ADAMTS1: variants seen among roughly 807,000 people sequenced by gnomAD.
ADAMTS1 encodes ADAM metallopeptidase with thrombospondin type 1 motif 1, also known as A disintegrin and metalloproteinase with thrombospondin motifs 1.
In ADAMTS1, 19 loss-of-function variants were observed where a neutral mutation model predicts 87.9. The ratio of observed to expected loss-of-function variants is 0.22; its 90% CI spans 0.15 to 0.32. The LOEUF (loss-of-function observed/expected upper bound fraction) is 0.32. Ranked by LOEUF, ADAMTS1 falls within the 10% of genes least tolerant of loss-of-function variation. The probability of loss-of-function intolerance (pLI) is 1.00; values close to 1 mark genes in which losing one functional copy is unlikely to be tolerated. For missense variants in ADAMTS1, 1,240 were observed against 1,259.1 expected, an observed-to-expected ratio of 0.98 and a Z score of 0.23; for synonymous variants, 542 against 501.8, an observed-to-expected ratio of 1.08 and a Z score of -1.07.
rs767053986 is a variant in ADAMTS1 at position 26,839,974 on chromosome 21, C to T, written c.1753G>A (p.Glu585Lys). The change falls in exon 6 of 9, where the codon GAA (glutamate) becomes AAA (lysine). Residue 585 changes from glutamate (E) to lysine (K), a missense_variant. By Grantham distance (56) the Glu-to-Lys change is moderately conservative. Transcript: ENST00000284984. ...CGGGVQYTMR[E>K]CDNPVPKNGG... ...TTCTTTGGGACTGGGTTGTCACATTCCCTCATCGTGTACTGGACTCCTCCA... is the reference window on the plus strand; with the variant it reads ...TTCTTTGGGACTGGGTTGTCACATTTCCTCATCGTGTACTGGACTCCTCCA... 5.0e-6 allele frequency: 8 copies of T among 1,614,120 alleles called. No individual in the cohort carries two copies. The highest frequency in any genetic ancestry group is 3.3e-5 in the South Asian group (3 of 91,080).
rs1985387976 is a variant in ADAMTS1 at position 26,837,374 on chromosome 21, C to T, written c.*205G>A. 3.5e-6 allele frequency: 2 copies of T among 572,120 alleles called. No individual in the cohort carries two copies. The highest frequency in any genetic ancestry group is 3.1e-6 in the Non-Finnish European group (1 of 321,722). The allele number at this position is 572,120 out of a possible 1,614,324, so 35.4% of individuals were successfully genotyped here. A position where few individuals can be genotyped will look rare whatever the true frequency, so the allele number is the denominator to read the frequency against. On this transcript the variant is annotated 3_prime_UTR_variant, in exon 9 of 9. Coordinates refer to ENST00000284984, the MANE Select transcript of ADAMTS1 (RefSeq NM_006988.5). The stretch of plus-strand genomic sequence containing the variant: ...TATCACTGCTCAGAGGTTAATAATC[C>T]TCACTAACTATCCTATCAAATTTGC...
Position 26,844,289 on chromosome 21 carries a change from GC to G in ADAMTS1, c.665del (p.Gly222AlafsTer18). On this transcript the variant is annotated frameshift_variant, in exon 1 of 9. Transcript: ENST00000284984. LOFTEE classifies it high-confidence loss of function. The stretch of plus-strand genomic sequence containing the variant: ...GCGACCACTGAGCCCCTTCGTCCTC[GC>G]CCTCAGTCCCTTCGTCCTCGTCTTC... The part of the protein sequence containing the change: ...ETEDEDEGTE[G>X]EDEGAQWSPQ... 6.2e-7 allele frequency: 1 copy of G among 1,606,284 alleles called. No homozygotes were observed. The highest frequency in any genetic ancestry group is 1.7e-5 in the Admixed American group (1 of 59,500).
At position 26,844,898 on chromosome 21, in the gene ADAMTS1, C is replaced by A; in HGVS notation, c.57G>T (p.Gly19=). The A allele has an allele frequency of 6.5e-7, 1 of 1,528,950 alleles. No homozygotes were observed. The highest frequency in any genetic ancestry group is 8.8e-7 in the Non-Finnish European group (1 of 1,139,160). The allele number at this position is 1,528,950 out of a possible 1,614,324, so 94.7% of individuals were successfully genotyped here. Residue 19 remains glycine, a synonymous_variant, in exon 1 of 9, where the codon GGG becomes GGT. Transcript: ENST00000284984. The part of the protein sequence containing the change: ...FGRRKLGSDM[G]NAERAPGSRS... Reference sequence around the variant, plus strand: ...GAGACCCCGGAGCCCGCTCCGCGTTCCCCATGTCGCTGCCCAGCTTGCGCC... The same window carrying A: ...GAGACCCCGGAGCCCGCTCCGCGTTACCCATGTCGCTGCCCAGCTTGCGCC...
chr21:26,840,832 CTA>C (rs1380323974), intron 4 of ADAMTS1, among the ~76,000 whole-genome samples, 164 bp downstream of exon 4: 2 of 152,112 alleles, frequency 1.3e-5, no homozygotes, highest in Non-Finnish European at 2.9e-5. Context: ...ACCGGAAGCA[CTA>C]TTTTTTATTT....
chr21:26,839,619 C>T lies in ADAMTS1; in HGVS notation c.1996G>A (p.Gly666Ser). The change falls in exon 7 of 9, where the codon GGC becomes AGC. Residue 666 changes from glycine to serine, a missense_variant. By Grantham distance (56) the Gly-to-Ser change is moderately conservative. Transcript: ENST00000284984. The stretch of plus-strand genomic sequence containing the variant: ...TGCAAAACGAAGAAGTAGCCAATGC[C>T]TTTGGCTTGGCAGATGAGCTTGCAC... Reference protein sequence around the residue: ...DRCKLICQAKGIGYFFVLQPK... With the variant: ...DRCKLICQAKSIGYFFVLQPK... 1.9e-6 allele frequency: 3 copies of T among 1,608,566 alleles called. No homozygotes were observed. The highest frequency in any genetic ancestry group is 2.2e-5 in the South Asian group (2 of 90,884).
rs746316531 is a variant in ADAMTS1 at position 26,844,868 on chromosome 21, G to T, written c.87C>A (p.Ser29Arg). ...GNAERAPGSR[S>R]FGPVPTLLLL... ...GCAGCAGCGTGGGTACTGGCCCAAA[G>T]CTCCGAGACCCCGGAGCCCGCTCCG... The change falls in exon 1 of 9, where the codon AGC becomes AGA. Residue 29 changes from serine to arginine, a missense_variant. Coordinates refer to ENST00000284984, the MANE Select transcript of ADAMTS1 (RefSeq NM_006988.5). The T allele has an allele frequency of 6.4e-7, 1 of 1,551,698 alleles. No individual in the cohort carries two copies. Among genetic ancestry groups the T allele is most frequent in the South Asian group, 1.2e-5 (1 of 85,196 alleles).
rs1041895414 is a variant in ADAMTS1, at chr21:26,842,104, G to A, written c.1078-114C>T. 2.5e-5 allele frequency: 32 copies of A among 1,255,796 alleles called. No individual in the cohort carries two copies. The African/African-American group carries it at 4.1e-4, about 16-fold the overall frequency. 77.8% of individuals were successfully genotyped at this position (1,255,796 alleles called of 1,614,324 possible). On this transcript the variant is annotated intron_variant, in intron 2 of 8. Coordinates refer to ENST00000284984, the MANE Select transcript of ADAMTS1 (RefSeq NM_006988.5). ...CTTTGGAGCATCTACATTCATTATT[G>A]TTGACATAAGAAGACTTCATGTGAC...
rs1007336883 is a variant in ADAMTS1, at chr21:26,836,846, C to G, written c.*733G>C. 1 of 152,230 alleles carries G rather than the reference C, an allele frequency of 6.6e-6. No homozygotes were observed. The highest frequency in any genetic ancestry group is 1.5e-5 in the Non-Finnish European group (1 of 68,050). 9.4% of individuals were successfully genotyped at this position (152,230 alleles called of 1,614,324 possible). ...TTGTGTCTCCTCTAGCTTTTACCAGCATCTAATGCTTCACTGCTTTTTTTC... is the reference window on the plus strand; with the variant it reads ...TTGTGTCTCCTCTAGCTTTTACCAGGATCTAATGCTTCACTGCTTTTTTTC... On this transcript the variant is annotated 3_prime_UTR_variant, in exon 9 of 9. Transcript: ENST00000284984.
Position 26,844,881 on chromosome 21 carries a change from G to C in ADAMTS1, c.74C>G (p.Pro25Arg), listed in dbSNP as rs775388956. The change falls in exon 1 of 9, where the codon CCG becomes CGG. Residue 25 changes from proline to arginine, a missense_variant. By Grantham distance (103) the Pro-to-Arg change is moderately radical. This residue lies in a region of ADAMTS1 where 521 missense variants were observed against 449.7 expected (regional missense o/e 1.16). Transcript: ENST00000284984. ...GSDMGNAERA[P>R]GSRSFGPVPT... The stretch of plus-strand genomic sequence containing the variant: ...TACTGGCCCAAAGCTCCGAGACCCC[G>C]GAGCCCGCTCCGCGTTCCCCATGTC... 6 of 1,538,840 alleles carry C rather than the reference G, an allele frequency of 3.9e-6. No homozygotes were observed. In the South Asian group the frequency reaches 7.2e-5, roughly 19 times the overall value.
chr21:26,839,423 A>C, intron 7 of ADAMTS1, 164 bp downstream of exon 7: 1 of 630,874 alleles, frequency 1.6e-6, no homozygotes, highest in East Asian at 2.7e-5. Context: ...AAAACACTAA[A>C]CTCAAAGCAG....
At position 26,844,590 on chromosome 21, in the gene ADAMTS1, T is replaced by C. The variant is rs1476338225; in HGVS notation, c.365A>G (p.His122Arg). The C allele has an allele frequency of 6.2e-7, 1 of 1,611,148 alleles. No homozygotes were observed. Among genetic ancestry groups the C allele is most frequent in the Non-Finnish European group, 8.5e-7 (1 of 1,179,004 alleles). Residue 122 changes from histidine (H) to arginine (R), a missense_variant, in exon 1 of 9, where the codon CAC becomes CGC. This residue lies in a region of ADAMTS1 where 521 missense variants were observed against 449.7 expected (regional missense o/e 1.16). Transcript: ENST00000284984. ...ETPLPETDLAHCFYSGTVNGD... is the reference protein window; with the variant it reads ...ETPLPETDLARCFYSGTVNGD... ...ATTCACGGTGCCGGAGTAGAAGCAG[T>C]GCGCCAGGTCGGTTTCCGGAAGCGG...
rs1457829929 is a variant in ADAMTS1, at chr21:26,838,462, TA to T, written c.2180del (p.Ile727AsnfsTer27). The stretch of plus-strand genomic sequence containing the variant: ...ACTTTGCACTAGTAACTGATCCTGA[TA>T]TTTTTTTACAAGTAGATCCATTTCC... ...CGGNGSTCKK[I>X]SGSVTSAKPG... On this transcript the variant is annotated frameshift_variant, in exon 8 of 9. Transcript: ENST00000284984. LOFTEE classifies it high-confidence loss of function. The T allele has an allele frequency of 5.6e-6, 9 of 1,614,116 alleles. No homozygotes were observed. The highest frequency in any genetic ancestry group is 3.3e-5 in the Admixed American group (2 of 60,012).
rs1289528318 is a variant in ADAMTS1, at chr21:26,845,056, A to G, written c.-102T>C. 1 of 1,318,406 alleles carries G rather than the reference A, an allele frequency of 7.6e-7. No individual in the cohort carries two copies. Among genetic ancestry groups the G allele is most frequent in the African/African-American group, 1.5e-5 (1 of 65,498 alleles). The allele number at this position is 1,318,406 out of a possible 1,614,324, so 81.7% of individuals were successfully genotyped here. On this transcript the variant is annotated 5_prime_UTR_variant, in exon 1 of 9. Transcript: ENST00000284984. Reference sequence around the variant, plus strand: ...CGTTGGCCTGCTCTGGATTGTTAAAATTAACAATTTCTATTATTCGTTGGA... The same window carrying G: ...CGTTGGCCTGCTCTGGATTGTTAAAGTTAACAATTTCTATTATTCGTTGGA...
intron 7 of ADAMTS1, chr21:26,839,270 G>A (rs1568810074): frequency 2.0e-5 from 4 of 201,282 alleles, no homozygotes; most frequent in Non-Finnish European, 4.0e-5. Flanking sequence ...AATATAAAAT[G>A]TATCTAACTA....
In ADAMTS1 at chr21:26,841,955, C is replaced by T. The variant is rs1985502819; in HGVS notation, c.1113G>A (p.Gly371=). 1 of 1,614,100 alleles carries T rather than the reference C, an allele frequency of 6.2e-7. No homozygotes were observed. The highest frequency in any genetic ancestry group is 1.3e-5 in the African/African-American group (1 of 75,032). ...LCGSQTCDTL[G]MADVGTVCDP... ...CACACACAGTTCCAACATCAGCCAT[C>T]CCAAGAGTATCACATGTCTGGGACC... Residue 371 remains glycine, a synonymous_variant, in exon 3 of 9, where the codon GGG becomes GGA. Transcript: ENST00000284984.
At position 26,842,375 on chromosome 21, in the gene ADAMTS1, T is replaced by G; in HGVS notation, c.1041A>C (p.Ala347=). Residue 347 remains alanine (A), a synonymous_variant, in exon 2 of 9, where the codon GCA becomes GCC. Coordinates refer to ENST00000284984, the MANE Select transcript of ADAMTS1 (RefSeq NM_006988.5). Reference sequence around the variant, plus strand: ...AAAGAATTGCTGTGTCATAGTGCTCTGCATCCCGGTCACTGGGTGGGTTGT... The same window carrying G: ...AAAGAATTGCTGTGTCATAGTGCTCGGCATCCCGGTCACTGGGTGGGTTGT... ...KQHNPPSDRD[A]EHYDTAILFT... 6.2e-7 allele frequency: 1 copy of G among 1,614,210 alleles called. No homozygotes were observed. The highest frequency in any genetic ancestry group is 8.5e-7 in the Non-Finnish European group (1 of 1,180,044).
At chr21:26,842,711 T>C in intron 1 of ADAMTS1, 26 bp from the exon 2 acceptor site, 2 of 1,593,044 alleles carry the variant, frequency 1.3e-6, no homozygotes, top group South Asian at 1.1e-5. Context: ...AAAGTTTGCT[T>C]ATGGTCAGGC....
chr21:26,844,438 G>A lies in ADAMTS1; in HGVS notation c.517C>T (p.Pro173Ser). The change falls in exon 1 of 9, where the codon CCA becomes TCA. Residue 173 changes from proline to serine, a missense_variant. Pro to Ser is a moderately conservative substitution (Grantham distance 74). This residue lies in a region of ADAMTS1 where 521 missense variants were observed against 449.7 expected (regional missense o/e 1.16). Transcript: ENST00000284984. ...AASERLATAA[P>S]GEKPPAPLQF... is the part of the protein sequence containing the mutation. The stretch of plus-strand genomic sequence containing the variant: ...AGTGGTGCCGGCGGCTTCTCCCCTG[G>A]GGCGGCGGTGGCGAGGCGCTCGCTG... 6.3e-7 allele frequency: 1 copy of A among 1,587,962 alleles called. No individual in the cohort carries two copies. Among genetic ancestry groups the A allele is most frequent in the Non-Finnish European group, 8.6e-7 (1 of 1,167,292 alleles).
chr21:26,840,108 C>T lies in ADAMTS1; in HGVS notation c.1666-47G>A, dbSNP rs1985460800. The T allele has an allele frequency of 3.2e-6, 5 of 1,575,648 alleles. No individual in the cohort carries two copies. In the South Asian group the frequency reaches 5.9e-5, roughly 19 times the overall value. On this transcript the variant is annotated intron_variant, in intron 5 of 8. Transcript: ENST00000284984. ...CAGCATTAGAATTATCTAAAGAGAACTTTTAGGGTATCAAAGAAAGCCACA... is the reference window on the plus strand; with the variant it reads ...CAGCATTAGAATTATCTAAAGAGAATTTTTAGGGTATCAAAGAAAGCCACA...
Sources: allele counts gnomAD v4.1 joint callset (sites outside exome capture counted in the v4.1 genomes callset), GRCh38; gene constraint gnomAD v4.1.1; regional missense constraint gnomAD v4.1.1; transcripts MANE v1.5; gene names NCBI Gene and HGNC (gene_info 2026-07-23, HGNC 2026-07-21).